CITED1: variants seen among roughly 807,000 people sequenced by gnomAD.
CITED1 encodes cbp/p300-interacting transactivator 1.
In CITED1, 3 loss-of-function variants were observed where a neutral mutation model predicts 8.5. That is an observed-to-expected ratio of 0.35 (90% confidence interval 0.16 to 0.91). The LOEUF (loss-of-function observed/expected upper bound fraction) is 0.91, where lower values mean the gene tolerates loss of function less well. Among genes scored for constraint, CITED1 ranks in the 40% least tolerant of loss-of-function variants. The pLI is 0.46. For synonymous variants in CITED1, 54 were observed against 67.4 expected (o/e 0.80, Z 0.97); for missense variants, 113 against 154.8 (o/e 0.73, Z 1.43).
chrX:72,301,664 T>C lies in CITED1; in HGVS notation c.*59A>G, dbSNP rs2043287513. Reference sequence around the variant, plus strand: ...TGGCCCGTCTCTTTGTAAGTAACTTTATTTTTATTTACAACAGAATTGGTG... The same window carrying C: ...TGGCCCGTCTCTTTGTAAGTAACTTCATTTTTATTTACAACAGAATTGGTG... On this transcript the variant is annotated 3_prime_UTR_variant, in exon 3 of 3. Transcript: ENST00000651998. The C allele has an allele frequency of 8.5e-7, 1 of 1,182,464 alleles. No individual in the cohort carries two copies. The highest frequency in any genetic ancestry group is 2.3e-5 in the Admixed American group (1 of 43,145).
intron 1 of CITED1, chrX:72,305,512 C>T (rs1029755727): frequency 1.0e-4 from 41 of 411,649 alleles, no homozygotes; most frequent in African/African-American, 9.9e-4. Flanking sequence ...GGGAGCATCC[C>T]TTGCACGGCG....
rs150485089 is a variant in CITED1 at position 72,302,133 on chromosome X, T to C, written c.172A>G (p.Ser58Gly). The C allele has an allele frequency of 6.7e-6, 8 of 1,190,581 alleles. No homozygotes were observed. In the African/African-American group the frequency reaches 1.2e-4, roughly 18 times the overall value. ...PGVASNGTKA[S>G]GAPTSSSGSP... is the part of the protein sequence containing the mutation. ...CCCGAGGAACTAGTGGGAGCCCCACTGGCCTTGGTTCCATTTGAGGCTACC... is the reference window on the plus strand; with the variant it reads ...CCCGAGGAACTAGTGGGAGCCCCACCGGCCTTGGTTCCATTTGAGGCTACC... The change falls in exon 3 of 3, where the codon AGT becomes GGT. Residue 58 changes from serine to glycine, a missense_variant. By Grantham distance (56) the Ser-to-Gly change is moderately conservative. Transcript: ENST00000651998.
intron 1 of CITED1, 84 bp downstream of exon 1, chrX:72,305,741 C>T (rs2984345): frequency 0.21 from 28,633 of 133,292 alleles, 3,150 homozygotes; most frequent in South Asian, 0.53. Flanking sequence ...GCTGAGCCTA[C>T]CCCCTAGCCA....
intron 2 of CITED1, 100 bp from the exon 3 acceptor site, chrX:72,302,344 C>T: frequency 2.0e-6 from 2 of 991,003 alleles, no homozygotes; most frequent in South Asian, 4.9e-5. Context: ...TCATTTGGGA[C>T]TAGAGGTGGA....
intron 1 of CITED1, chrX:72,305,371 G>A: frequency 9.5e-7 from 1 of 1,054,944 alleles, no homozygotes; most frequent in African/African-American, 1.8e-5. Context: ...ACAGCACTGC[G>A]GCTTGGCTTG....
chrX:72,304,160 GTC>G, intron 1 of CITED1: 2 of 502,783 alleles, frequency 4.0e-6, no homozygotes, highest in Non-Finnish European at 4.9e-6. Flanking sequence ...CTTAAAAAGA[GTC>G]TCTAATCTTT....
chrX:72,302,858 C>T lies in CITED1; in HGVS notation c.12G>A (p.Thr4=), dbSNP rs146201846. 21 of 1,210,013 alleles carry T rather than the reference C, an allele frequency of 1.7e-5. No homozygotes were observed. The highest frequency in any genetic ancestry group is 2.3e-4 in the Middle Eastern group (1 of 4,339). MPT[T]SRPALDVKGG... ...CCTTGACATCAAGTGCAGGCCTCGA[C>T]GTTGTTGGCATTTCAGAGCCTTGGC... The change falls in exon 2 of 3, where the codon ACG becomes ACA. Residue 4 remains threonine (T), a synonymous_variant. Transcript: ENST00000651998.
chrX:72,302,981 C>A (rs749208629), intron 1 of CITED1, 47 bp from the exon 2 acceptor site: 7 of 1,183,999 alleles, frequency 5.9e-6, no homozygotes, highest in Non-Finnish European at 5.7e-6. Context: ...GCTTCACTGA[C>A]CAACAAAGCA....
chrX:72,303,023 C>T, intron 1 of CITED1, 89 bp from the exon 2 acceptor site: 1 of 1,058,737 alleles, frequency 9.4e-7, no homozygotes, highest in Non-Finnish European at 1.3e-6. Context: ...CAATGCCACG[C>T]AGCTATGAGG....
chrX:72,301,706 T>G lies in CITED1; in HGVS notation c.*17A>C, dbSNP rs2043287871. On this transcript the variant is annotated 3_prime_UTR_variant, in exon 3 of 3. Coordinates refer to ENST00000651998, the MANE Select transcript of CITED1 (RefSeq NM_001144887.2). ...GAATTGGTGGCTTTATTCCTCCATC[T>G]TTAGGGACACTTGGCATTAGCAGCT... 8.3e-7 allele frequency: 1 copy of G among 1,206,169 alleles called. No individual in the cohort carries two copies. Among genetic ancestry groups the G allele is most frequent in the Non-Finnish European group, 1.1e-6 (1 of 892,228 alleles).
chrX:72,304,036 G>A (rs917897327), intron 1 of CITED1: 1 of 366,196 alleles, frequency 2.7e-6, no homozygotes, highest in Non-Finnish European at 3.4e-6. Context: ...GCAACATAGC[G>A]GGACCCTATC....
chrX:72,303,430 C>A (rs1003871549), intron 1 of CITED1, among the ~76,000 whole-genome samples: 1 of 112,346 alleles, frequency 8.9e-6, no homozygotes, highest in South Asian at 3.7e-4. Context: ...AAGTCTCTAG[C>A]GCAAATGTCA....
At chrX:72,305,199 G>A (rs2043324995) in intron 1 of CITED1, 5 of 795,297 alleles carry the variant, frequency 6.3e-6, no homozygotes, top group Non-Finnish European at 7.3e-6. Flanking sequence ...GCCCCCTCCC[G>A]CCTAGACAGG....
chrX:72,305,423 C>T (rs1204955995), intron 1 of CITED1: 1 of 653,997 alleles, frequency 1.5e-6, no homozygotes, highest in African/African-American at 2.2e-5. Context: ...CACCTGAAAA[C>T]TAAAGGCCCG....
chrX:72,306,764 G>C (rs1490447750), upstream of CITED1: 4 of 100,191 alleles, frequency 4.0e-5, no homozygotes, highest in Non-Finnish European at 8.2e-5. Flanking sequence ...ACTCCGGGGC[G>C]GTGGCGGTGG....
intron 2 of CITED1, 149 bp from the exon 3 acceptor site, chrX:72,302,393 C>A: frequency 1.4e-6 from 1 of 694,357 alleles, no homozygotes. Context: ...TAGGCTCCCA[C>A]CTCAAGCATC....
In CITED1 at chrX:72,302,039, G is replaced by A; in HGVS notation, c.266C>T (p.Pro89Leu). ...KPPSFNLHPA[P>L]HLLASMHLQK... ...CAGGTGCATACTAGCCAGCAAGTGA[G>A]GGGCGGGGTGCAGGTTGAAGGATGG... is the stretch of plus-strand genomic sequence containing the variant. The change falls in exon 3 of 3, where the codon CCT becomes CTT. Residue 89 changes from proline (P) to leucine (L), a missense_variant. Physicochemically the swap from Pro to Leu is moderately conservative, Grantham distance 98. Transcript: ENST00000651998. 8.3e-7 allele frequency: 1 copy of A among 1,199,702 alleles called. No individual in the cohort carries two copies. Among genetic ancestry groups the A allele is most frequent in the Non-Finnish European group, 1.1e-6 (1 of 888,667 alleles).
chrX:72,303,431 G>T (rs1019312842), intron 1 of CITED1, among the ~76,000 whole-genome samples: 1 of 112,418 alleles, frequency 8.9e-6, no homozygotes. Context: ...AGTCTCTAGC[G>T]CAAATGTCAT....
chrX:72,304,215 C>A (rs1245170708), intron 1 of CITED1: 1 of 188,286 alleles, frequency 5.3e-6, no homozygotes, highest in East Asian at 2.6e-4. Context: ...CACTCCGCAG[C>A]GGTCATTAAG....
Sources: gnomAD v4.1 joint callset for allele counts (sites outside exome capture counted in the v4.1 genomes callset) on GRCh38, gnomAD v4.1.1 for gene constraint, MANE v1.5 for transcripts, NCBI Gene and HGNC (gene_info 2026-07-23, HGNC 2026-07-21) for gene names.